The following IQUB variants were observed in gnomAD, a reference collection of about 807,000 sequenced individuals.
The protein encoded by IQUB is IQ motif and ubiquitin-like domain-containing protein.
Under a neutral mutation model 86.4 loss-of-function variants are expected in IQUB, and 86 were observed. The ratio of observed to expected loss-of-function variants is 1.00; its 90% CI spans 0.84 to 1.19. The LOEUF (loss-of-function observed/expected upper bound fraction) is 1.19, where lower values mean the gene tolerates loss of function less well. IQUB is among the 50% of genes most tolerant of loss of function. The probability of loss-of-function intolerance (pLI) is 0.00; values close to 1 mark genes in which losing one functional copy is unlikely to be tolerated. For synonymous variants in IQUB, 289 were observed against 304.5 expected, an observed-to-expected ratio of 0.95 and a Z score of 0.53; for missense variants, 946 against 916.9, an observed-to-expected ratio of 1.03 and a Z score of -0.41.
intron 7 of IQUB, among the ~76,000 whole-genome samples, chr7:123,493,293 A>G (rs985609265): frequency 2.0e-5 from 3 of 152,142 alleles, no homozygotes; most frequent in Admixed American, 6.5e-5. Context: ...CCCAAAGCAT[A>G]GCAATGGCTC....
chr7:123,469,303 G>C lies in IQUB; in HGVS notation c.1492C>G (p.Leu498Val), dbSNP rs935438298. The C allele has an allele frequency of 6.2e-7, 1 of 1,609,940 alleles. No individual in the cohort carries two copies. Among genetic ancestry groups the C allele is most frequent in the African/African-American group, 1.3e-5 (1 of 74,954 alleles). Residue 498 changes from leucine (L) to valine (V), a missense_variant, in exon 9 of 13, where the codon CTG becomes GTG. Physicochemically the swap from Leu to Val is conservative, Grantham distance 32. Transcript: ENST00000324698. ...ATAATGCACTTATAGATATTTTGCA[G>C]CTCTCTGGCTCTGATGGTGAACTGC... is the stretch of plus-strand genomic sequence containing the variant. ...DTQFTIRARELQNIYKCIMLK... is the reference protein window; with the variant it reads ...DTQFTIRAREVQNIYKCIMLK...
At chr7:123,483,976 C>T (rs1795111486) in intron 7 of IQUB, among the ~76,000 whole-genome samples, 2 of 152,060 alleles carry the variant, frequency 1.3e-5, no homozygotes, top group Non-Finnish European at 2.9e-5. Context: ...AGATAAATAT[C>T]TGAGGCCACA....
intron 9 of IQUB, among the ~76,000 whole-genome samples, chr7:123,466,137 A>T (rs1794251012): frequency 6.6e-6 from 1 of 152,102 alleles, no homozygotes; most frequent in Admixed American, 6.6e-5. Context: ...TAATTTTACA[A>T]ATGACAAAAC....
At chr7:123,519,312 T>C (rs1341017323) in intron 1 of IQUB, among the ~76,000 whole-genome samples, 10 of 152,182 alleles carry the variant, frequency 6.6e-5, no homozygotes, top group African/African-American at 2.4e-4. Context: ...GCTGGGTATA[T>C]AACCAAAAGA....
At chr7:123,478,529 C>T (rs992747843) in intron 8 of IQUB, among the ~76,000 whole-genome samples, 4 of 151,954 alleles carry the variant, frequency 2.6e-5, no homozygotes, top group Non-Finnish European at 5.9e-5. Flanking sequence ...ATGTAATAAA[C>T]CTGCATGTTC....
chr7:123,518,487 G>A lies in IQUB; in HGVS notation c.-4-6143C>T, dbSNP rs142446265. On this transcript the variant is annotated intron_variant, in intron 1 of 12. Coordinates refer to ENST00000324698, the MANE Select transcript of IQUB (RefSeq NM_178827.5). ...GGCCTTCAAGGTCCTAAATGATCTA[G>A]CCCCTGCCTCTCTGACCTCATCTTC... 2.6e-5 allele frequency among the ~76,000 whole-genome samples: 4 copies of A among 152,114 alleles called. No homozygotes were observed. The East Asian group carries it at 7.7e-4, about 29-fold the overall frequency.
chr7:123,530,609 T>A (rs1315322200), intron 1 of IQUB, among the ~76,000 whole-genome samples: 1 of 151,792 alleles, frequency 6.6e-6, no homozygotes, highest in Non-Finnish European at 1.5e-5. Context: ...ACTATAAGCT[T>A]CCCTGTAATC....
rs372268724 is a variant in IQUB, at chr7:123,494,085, T to A, written c.1234+2611A>T. On this transcript the variant is annotated intron_variant, in intron 7 of 12. Coordinates refer to ENST00000324698, the MANE Select transcript of IQUB (RefSeq NM_178827.5). ...TTTTAAATAGACAAAACAACCCCAA[T>A]TATTCTATTTAGAATATGGGATACT... Among the ~76,000 whole-genome samples the A allele has an allele frequency of 9.2e-5, 14 of 152,216 alleles. No individual in the cohort carries two copies. In the East Asian group the frequency reaches 2.5e-3, roughly 27 times the overall value.
chr7:123,475,943 T>G (rs1259537998), intron 8 of IQUB, among the ~76,000 whole-genome samples: 1 of 152,216 alleles, frequency 6.6e-6, no homozygotes. Flanking sequence ...AAATTCATCT[T>G]TCCTAGAATT....
At chr7:123,516,872 G>T (rs1007334055) in intron 1 of IQUB, among the ~76,000 whole-genome samples, 1 of 152,154 alleles carries the variant, frequency 6.6e-6, no homozygotes, top group African/African-American at 2.4e-5. Context: ...TAAAAATTAT[G>T]ACAGGTCTGA....
chr7:123,488,853 A>C (rs1452258838), intron 7 of IQUB, among the ~76,000 whole-genome samples: 1 of 152,218 alleles, frequency 6.6e-6, no homozygotes. Flanking sequence ...TATTAATCAC[A>C]ATTTTATTCA....
intron 4 of IQUB, 39 bp from the exon 5 acceptor site, chr7:123,503,155 A>C: frequency 1.2e-6 from 2 of 1,608,844 alleles, no homozygotes; most frequent in Non-Finnish European, 8.5e-7. Context: ...AGCTCAACCA[A>C]GAAGGGACTC....
chr7:123,507,033 T>C (rs1344305007), intron 3 of IQUB, among the ~76,000 whole-genome samples: 1 of 152,234 alleles, frequency 6.6e-6, no homozygotes, highest in Non-Finnish European at 1.5e-5. Flanking sequence ...ATGGAAACTT[T>C]ATTGATGGAA....
At chr7:123,460,759 G>A (rs1030183612) in intron 11 of IQUB, among the ~76,000 whole-genome samples, 6 of 151,868 alleles carry the variant, frequency 4.0e-5, no homozygotes, top group East Asian at 1.9e-4. Context: ...CAAAGAGACC[G>A]AAGTAGTGGT....
chr7:123,489,722 AC>A (rs1170666079), intron 7 of IQUB, among the ~76,000 whole-genome samples: 1 of 151,960 alleles, frequency 6.6e-6, no homozygotes, highest in Admixed American at 6.6e-5. Flanking sequence ...GCAAAAAAAA[AC>A]ATAAGAGATA....
At chr7:123,491,925 C>T (rs55976749) in intron 7 of IQUB, among the ~76,000 whole-genome samples, 1 of 152,002 alleles carries the variant, frequency 6.6e-6, no homozygotes, top group African/African-American at 2.4e-5. Flanking sequence ...AAAATTTTGG[C>T]AAATCAAGTC....
intron 1 of IQUB, among the ~76,000 whole-genome samples, chr7:123,527,112 C>T (rs908765024): frequency 2.2e-4 from 34 of 152,270 alleles, no homozygotes; most frequent in African/African-American, 7.2e-4. Context: ...CACATCGGCT[C>T]CTGAGGCTTC....
chr7:123,492,300 C>T (rs577374033), intron 7 of IQUB, among the ~76,000 whole-genome samples: 9 of 152,282 alleles, frequency 5.9e-5, no homozygotes, highest in Admixed American at 1.3e-4. Context: ...GCTAAAGGAA[C>T]GACTGGATGT....
intron 7 of IQUB, among the ~76,000 whole-genome samples, chr7:123,481,568 C>T (rs1205928079): frequency 2.0e-5 from 3 of 152,012 alleles, no homozygotes; most frequent in African/African-American, 7.2e-5. Context: ...GCAGATACTA[C>T]CAAATAAATG....
Sources: allele counts gnomAD v4.1 joint callset (sites outside exome capture counted in the v4.1 genomes callset), GRCh38; gene constraint gnomAD v4.1.1; transcripts MANE v1.5; gene names NCBI Gene and HGNC (gene_info 2026-07-23, HGNC 2026-07-21).